Variants in STING1 observed in about 807,000 individuals in gnomAD.
The protein encoded by STING1 is stimulator of interferon response cGAMP interactor 1.
In STING1, 19 loss-of-function variants were observed where a neutral mutation model predicts 31.6. The ratio of observed to expected loss-of-function variants is 0.60; its 90% CI spans 0.42 to 0.88. The LOEUF is 0.88. Among genes scored for constraint, STING1 ranks in the 40% least tolerant of loss-of-function variants. The pLI is 0.00. For synonymous variants in STING1, 200 were observed against 208.6 expected (o/e 0.96, Z 0.35); for missense variants, 371 against 483.7 (o/e 0.77, Z 2.19).
intron 5 of STING1, among the ~76,000 whole-genome samples, chr5:139,480,350 G>T (rs571781839): frequency 1.3e-5 from 2 of 152,014 alleles, no homozygotes; most frequent in Admixed American, 1.3e-4. Context: ...AGTTTGTACC[G>T]GCCTGGCCAA....
chr5:139,476,100 C>A lies in STING1; in HGVS notation c.*161G>T. Reference sequence around the variant, plus strand: ...GGCTCAGAGAGGGGAAATGACTGGCCCAAGGGGACAAGACGCATCTTAAGA... The same window carrying A: ...GGCTCAGAGAGGGGAAATGACTGGCACAAGGGGACAAGACGCATCTTAAGA... On this transcript the variant is annotated 3_prime_UTR_variant, in exon 8 of 8. Coordinates refer to ENST00000330794, the MANE Select transcript of STING1 (RefSeq NM_198282.4). The A allele has an allele frequency of 3.4e-6, 2 of 596,080 alleles. No homozygotes were observed. Among genetic ancestry groups the A allele is most frequent in the Admixed American group, 3.0e-5 (1 of 33,694 alleles). 36.9% of individuals were successfully genotyped at this position (596,080 alleles called of 1,614,324 possible). A position where few individuals can be genotyped will look rare whatever the true frequency, so the allele number is the denominator to read the frequency against.
chr5:139,481,661 C>T lies in STING1; in HGVS notation c.44G>A (p.Gly15Asp), dbSNP rs1751856883. 3.1e-6 allele frequency: 5 copies of T among 1,610,540 alleles called. No individual in the cohort carries two copies. Among genetic ancestry groups the T allele is most frequent in the Non-Finnish European group, 4.2e-6 (5 of 1,177,714 alleles). The change falls in exon 3 of 8, where the codon GGT becomes GAT. Residue 15 changes from glycine (G) to aspartate (D), a missense_variant. Physicochemically the swap from Gly to Asp is moderately conservative, Grantham distance 94. Coordinates refer to ENST00000330794, the MANE Select transcript of STING1 (RefSeq NM_198282.4). The surrounding 1 kb of genome is among the most constrained non-coding windows in gnomAD (Gnocchi z 4.1). ...SLHPSIPCPR[G>D]HGAQKAALVL... is the part of the protein sequence containing the mutation. ...CAAGGCTGCCTTCTGGGCCCCGTGA[C>T]CCCTGGGACACGGGATGGATGGATG...
At chr5:139,482,135 C>G (rs1049310506) in intron 2 of STING1, 75 bp downstream of exon 2, 1 of 155,134 alleles carries the variant, frequency 6.4e-6, no homozygotes, top group African/African-American at 2.4e-5. Context: ...GACAGGGCAG[C>G]CAGCAGGCAC....
At position 139,476,372 on chromosome 5, in the gene STING1, C is replaced by G; in HGVS notation, c.1029G>C (p.Val343=). 1 of 1,612,738 alleles carries G rather than the reference C, an allele frequency of 6.2e-7. No homozygotes were observed. Among genetic ancestry groups the G allele is most frequent in the Non-Finnish European group, 8.5e-7 (1 of 1,180,004 alleles). The change falls in exon 8 of 8, where the codon GTG becomes GTC. Residue 343 remains valine, a synonymous_variant. Coordinates refer to ENST00000330794, the MANE Select transcript of STING1 (RefSeq NM_198282.4). ...GCACCGCTGAGGTCTTCAAGCTGCC[C>G]ACAGTAACCTCTTCCTTTTCCTCCT... ...LRQEEKEEVT[V]GSLKTSAVPS...
intron 7 of STING1, 76 bp downstream of exon 7, chr5:139,477,253 C>T (rs1029623903): frequency 2.9e-5 from 43 of 1,503,504 alleles, no homozygotes; most frequent in Middle Eastern, 4.9e-4. Context: ...CCCCTTCTGA[C>T]TCTTTGGGAG....
At chr5:139,477,258 T>G in intron 7 of STING1, 71 bp downstream of exon 7, 1 of 1,523,956 alleles carries the variant, frequency 6.6e-7, no homozygotes, top group South Asian at 1.2e-5. Flanking sequence ...TCTGACTCTT[T>G]GGGAGACCCT....
At chr5:139,480,559 A>G (rs1305602043) in intron 5 of STING1, among the ~76,000 whole-genome samples, 1 of 152,208 alleles carries the variant, frequency 6.6e-6, no homozygotes, top group Non-Finnish European at 1.5e-5. Flanking sequence ...AGAAAAAAAA[A>G]GAATTCACAA....
In STING1 at chr5:139,481,580, T is replaced by G. The variant is rs1751852019; in HGVS notation, c.125A>C (p.His42Pro). The G allele has an allele frequency of 3.1e-6, 5 of 1,613,620 alleles. No homozygotes were observed. The highest frequency in any genetic ancestry group is 1.3e-5 in the African/African-American group (1 of 74,880). The stretch of plus-strand genomic sequence containing the variant: ...GTGGAGCACCAGGTACCGGAGAGTG[T>G]GCTCTGGTGGCTCTCCTAGCCCCCA... Reference protein sequence around the residue: ...TLWGLGEPPEHTLRYLVLHLA... With the variant: ...TLWGLGEPPEPTLRYLVLHLA... The change falls in exon 3 of 8, where the codon CAC becomes CCC. Residue 42 changes from histidine to proline, a missense_variant. Coordinates refer to ENST00000330794, the MANE Select transcript of STING1 (RefSeq NM_198282.4). The surrounding 1 kb of genome is among the most constrained non-coding windows in gnomAD (Gnocchi z 4.1).
chr5:139,476,140 C>G lies in STING1; in HGVS notation c.*121G>C. On this transcript the variant is annotated 3_prime_UTR_variant, in exon 8 of 8. Transcript: ENST00000330794. ...GCATCTTAAGATGTCAAGTCCTGGA[C>G]CCTTCCCTGCAAGGCCCCCTGTGGA... 2 of 767,758 alleles carry G rather than the reference C, an allele frequency of 2.6e-6. No homozygotes were observed. Among genetic ancestry groups the G allele is most frequent in the Non-Finnish European group, 4.2e-6 (2 of 475,924 alleles). The allele number at this position is 767,758 out of a possible 1,614,324, so 47.6% of individuals were successfully genotyped here.
Position 139,476,301 on chromosome 5 carries a change from C to A in STING1, c.1100G>T (p.Gly367Val). Residue 367 changes from glycine to valine, a missense_variant, in exon 8 of 8, where the codon GGA becomes GTA. Gly to Val is a moderately radical substitution (Grantham distance 109, BLOSUM62 -3). Coordinates refer to ENST00000330794, the MANE Select transcript of STING1 (RefSeq NM_198282.4). ...MSQEPELLIS[G>V]MEKPLPLRTD... is the part of the protein sequence containing the mutation. Reference sequence around the variant, plus strand: ...GCGGAGAGGGAGGGGCTTTTCCATTCCACTGATGAGGAGCTCAGGCTCTTG... The same window carrying A: ...GCGGAGAGGGAGGGGCTTTTCCATTACACTGATGAGGAGCTCAGGCTCTTG... 6.2e-7 allele frequency: 1 copy of A among 1,607,904 alleles called. No homozygotes were observed.
intron 5 of STING1, 24 bp from the exon 6 acceptor site, chr5:139,478,532 T>G (rs763885219): frequency 1.3e-5 from 21 of 1,601,794 alleles, no homozygotes; most frequent in Non-Finnish European, 1.7e-5. Context: ...GCCCAAGAAG[T>G]TATTCCTGCT....
At position 139,477,367 on chromosome 5, in the gene STING1, G is replaced by T. The variant is rs752003355; in HGVS notation, c.908C>A (p.Pro303His). Reference sequence around the variant, plus strand: ...GAGGCGGCAGTTGTTCTGAGACTCAGGGGCATCTGCCAGGATGTCCTCAAG... The same window carrying T: ...GAGGCGGCAGTTGTTCTGAGACTCATGGGCATCTGCCAGGATGTCCTCAAG... The part of the protein sequence containing the change: ...RTLEDILADA[P>H]ESQNNCRLIA... Residue 303 changes from proline (P) to histidine (H), a missense_variant, in exon 7 of 8, where the codon CCT becomes CAT. By Grantham distance (77) the Pro-to-His change is moderately conservative. Transcript: ENST00000330794. 5.0e-6 allele frequency: 8 copies of T among 1,614,176 alleles called. No individual in the cohort carries two copies. In the Admixed American group the frequency reaches 1.3e-4, roughly 27 times the overall value.
At position 139,476,334 on chromosome 5, in the gene STING1, G is replaced by A. The variant is rs767416381; in HGVS notation, c.1067C>T (p.Thr356Met). ...LKTSAVPSTSTMSQEPELLIS... is the reference protein window; with the variant it reads ...LKTSAVPSTSMMSQEPELLIS... ...GAGGAGCTCAGGCTCTTGGGACATCGTGGAGGTACTGGGCACCGCTGAGGT... is the reference window on the plus strand; with the variant it reads ...GAGGAGCTCAGGCTCTTGGGACATCATGGAGGTACTGGGCACCGCTGAGGT... Residue 356 changes from threonine (T) to methionine (M), a missense_variant, in exon 8 of 8, where the codon ACG becomes ATG. Transcript: ENST00000330794. 1 of 1,612,340 alleles carries A rather than the reference G, an allele frequency of 6.2e-7. No individual in the cohort carries two copies. The highest frequency in any genetic ancestry group is 1.1e-5 in the South Asian group (1 of 90,830).
rs1287485745 is a variant in STING1 at position 139,481,837 on chromosome 5, A to G, written c.1-133T>C. On this transcript the variant is annotated intron_variant, in intron 2 of 7. Transcript: ENST00000330794. The surrounding 1 kb of genome is among the most constrained non-coding windows in gnomAD (Gnocchi z 4.1). ...AGCCACTCCCAGAGGCTGCTCTTAG[A>G]GACACCTCTAGGAGGCAGGCTGGGA... The G allele has an allele frequency of 1.4e-6, 1 of 708,956 alleles. No homozygotes were observed. Among genetic ancestry groups the G allele is most frequent in the African/African-American group, 1.8e-5 (1 of 55,800 alleles). 43.9% of individuals were successfully genotyped at this position (708,956 alleles called of 1,614,324 possible). A position where few individuals can be genotyped will look rare whatever the true frequency, so the allele number is the denominator to read the frequency against.
chr5:139,480,656 G>T, intron 5 of STING1, 134 bp downstream of exon 5: 1 of 646,210 alleles, frequency 1.5e-6, no homozygotes, highest in East Asian at 2.8e-5. Context: ...TCATGCCTTG[G>T]GATTAAAGGA....
intron 2 of STING1, 108 bp downstream of exon 2, chr5:139,482,102 G>A (rs1383333153): frequency 1.8e-5 from 3 of 162,726 alleles, no homozygotes; most frequent in African/African-American, 7.2e-5. Context: ...CAACAAAGTG[G>A]AAAACAGAGC....
At chr5:139,477,226 G>T in intron 7 of STING1, 103 bp downstream of exon 7, 1 of 1,228,790 alleles carries the variant, frequency 8.1e-7, no homozygotes, top group Non-Finnish European at 1.2e-6. Context: ...ACAGGCCCAG[G>T]GCATGGTGCT....
In STING1 at chr5:139,481,747, C is replaced by T; in HGVS notation, c.1-43G>A. On this transcript the variant is annotated intron_variant, in intron 2 of 7. Transcript: ENST00000330794. The surrounding 1 kb of genome is among the most constrained non-coding windows in gnomAD (Gnocchi z 4.1). ...TCCATGACCATTCTCCCCTTGCCCT[C>T]CTGCCCTTCTGGGACTGAGGCTCTG... The T allele has an allele frequency of 6.6e-7, 1 of 1,513,346 alleles. No individual in the cohort carries two copies. The highest frequency in any genetic ancestry group is 1.2e-5 in the South Asian group (1 of 83,866). The allele number at this position is 1,513,346 out of a possible 1,614,324, so 93.7% of individuals were successfully genotyped here.
Position 139,481,149 on chromosome 5 carries a change from T to G in STING1, c.411+10A>C, listed in dbSNP as rs1352670441. 6.2e-7 allele frequency: 1 copy of G among 1,613,790 alleles called. No homozygotes were observed. The highest frequency in any genetic ancestry group is 2.2e-5 in the East Asian group (1 of 44,900). ...CTTGGCCAGAGCTTCTACCTCCCCC[T>G]GTGTCATACCTTGAGGCCCAGGAGG... On this transcript the variant is annotated intron_variant, in intron 4 of 7. Coordinates refer to ENST00000330794, the MANE Select transcript of STING1 (RefSeq NM_198282.4). The surrounding 1 kb of genome is among the most constrained non-coding windows in gnomAD (Gnocchi z 4.1).
Sources: gnomAD v4.1 joint callset for allele counts (sites outside exome capture counted in the v4.1 genomes callset) on GRCh38, gnomAD v4.1.1 for gene constraint, Gnocchi (gnomAD v3.1) non-coding constraint, MANE v1.5 for transcripts, NCBI Gene and HGNC (gene_info 2026-07-23, HGNC 2026-07-21) for gene names.